The following CAB39L variants were observed in gnomAD, a reference collection of about 807,000 sequenced individuals.
CAB39L encodes calcium binding protein 39 like, also known as calcium-binding protein 39-like.
CAB39L carries 23 observed loss-of-function variants against 39.1 expected under a neutral mutation model. The ratio of observed to expected loss-of-function variants is 0.59; its 90% CI spans 0.42 to 0.83. CAB39L has a LOEUF of 0.83. Ranked by LOEUF, CAB39L falls within the 40% of genes least tolerant of loss-of-function variation. The pLI is 0.00. For missense variants in CAB39L, 366 were observed against 391.9 expected (o/e 0.93, Z 0.56); for synonymous variants, 126 against 137.2 (o/e 0.92, Z 0.57).
chr13:49,334,823 T>G (rs1250736163), intron 9 of CAB39L, among the ~76,000 whole-genome samples: 1 of 152,196 alleles, frequency 6.6e-6, no homozygotes, highest in Non-Finnish European at 1.5e-5. Context: ...ATTACATATA[T>G]ATATCCTCAA....
intron 8 of CAB39L, among the ~76,000 whole-genome samples, chr13:49,340,914 T>C (rs1315456358): frequency 6.6e-6 from 1 of 152,112 alleles, no homozygotes; most frequent in Non-Finnish European, 1.5e-5. Flanking sequence ...ATTACTAAAT[T>C]ACACAAGAAG....
chr13:49,368,489 T>C (rs190207623), intron 5 of CAB39L, among the ~76,000 whole-genome samples: 150 of 152,280 alleles, frequency 9.9e-4, no homozygotes, highest in African/African-American at 3.5e-3. Flanking sequence ...AAACCAGTTT[T>C]TTGCAACCCG....
At chr13:49,411,905 T>TTAGGGAGAAGGCATTAAGTGA (rs1956998252) in intron 3 of CAB39L, among the ~76,000 whole-genome samples, 1 of 152,184 alleles carries the variant, frequency 6.6e-6, no homozygotes, top group African/African-American at 2.4e-5. Flanking sequence ...GTGGAGGTTG[T>TTAGGGAGAAGGCATTAAGTGA]TAGGGAGAAG....
intron 3 of CAB39L, among the ~76,000 whole-genome samples, chr13:49,399,629 AC>A (rs1453036145): frequency 4.6e-5 from 7 of 152,028 alleles, no homozygotes; most frequent in African/African-American, 1.7e-4. Context: ...TCACAAGTAA[AC>A]TTCTCAAATA....
At chr13:49,352,636 A>C (rs954860702) in intron 6 of CAB39L, among the ~76,000 whole-genome samples, 4 of 152,038 alleles carry the variant, frequency 2.6e-5, no homozygotes, top group African/African-American at 9.7e-5. Flanking sequence ...ACAAAAACTA[A>C]AAAAATTAGC....
At chr13:49,442,096 G>T (rs1330566821) in intron 1 of CAB39L, among the ~76,000 whole-genome samples, 1 of 151,852 alleles carries the variant, frequency 6.6e-6, no homozygotes, top group East Asian at 1.9e-4. Context: ...GTTTTAATTT[G>T]CATTTTTCCA....
At chr13:49,443,407 C>T (rs187308606) in intron 1 of CAB39L, among the ~76,000 whole-genome samples, 1 of 151,702 alleles carries the variant, frequency 6.6e-6, no homozygotes, top group Admixed American at 6.6e-5. Context: ...AAACGCAGAA[C>T]TTGACGCCCA....
intron 10 of CAB39L, among the ~76,000 whole-genome samples, chr13:49,324,303 C>T (rs1333624789): frequency 3.3e-5 from 5 of 151,760 alleles, no homozygotes; most frequent in East Asian, 3.9e-4. Context: ...GGTGACAGAG[C>T]GAGACTCTGT....
chr13:49,434,637 A>G (rs1957379697), intron 1 of CAB39L, among the ~76,000 whole-genome samples: 1 of 152,098 alleles, frequency 6.6e-6, no homozygotes, highest in African/African-American at 2.4e-5. Flanking sequence ...AGGCAGGAGG[A>G]TTAGGCCTGG....
At chr13:49,348,915 C>T (rs1298868988) in intron 7 of CAB39L, among the ~76,000 whole-genome samples, 1 of 152,160 alleles carries the variant, frequency 6.6e-6, no homozygotes, top group African/African-American at 2.4e-5. Flanking sequence ...GACCACGCCC[C>T]GTCCCTCACC....
chr13:49,393,507 T>C (rs1956534445), intron 3 of CAB39L, among the ~76,000 whole-genome samples: 1 of 152,128 alleles, frequency 6.6e-6, no homozygotes, highest in South Asian at 2.1e-4. Flanking sequence ...ACAGAATGAT[T>C]CTAGAATGTG....
chr13:49,387,234 T>C (rs1032859762), intron 3 of CAB39L, among the ~76,000 whole-genome samples: 3 of 152,104 alleles, frequency 2.0e-5, no homozygotes, highest in Non-Finnish European at 1.5e-5. Context: ...CCTATCATGA[T>C]AAAGATAAAG....
intron 10 of CAB39L, among the ~76,000 whole-genome samples, chr13:49,320,928 G>C (rs188916707): frequency 3.9e-5 from 6 of 152,278 alleles, no homozygotes; most frequent in Admixed American, 6.5e-5. Context: ...AATTAGACTG[G>C]ACCCCACTGC....
At chr13:49,313,061 T>G (rs987794661) in intron 10 of CAB39L, among the ~76,000 whole-genome samples, 4 of 152,232 alleles carry the variant, frequency 2.6e-5, no homozygotes, top group Non-Finnish European at 5.9e-5. Flanking sequence ...TAATTTATTT[T>G]TTGAACACAT....
intron 1 of CAB39L, among the ~76,000 whole-genome samples, chr13:49,441,221 G>GTGTGTATATATATATA (rs1024957572): frequency 8.2e-6 from 1 of 121,444 alleles, no homozygotes; most frequent in African/African-American, 3.7e-5. Context: ...ATGATTTAGT[G>GTGTGTATATATATATA]TATATATATA....
In CAB39L at chr13:49,441,221, G is replaced by GTATATATA. The variant is rs59783079; in HGVS notation, c.-246+2757_-246+2764dup. On this transcript the variant is annotated intron_variant, in intron 1 of 10. Transcript: ENST00000409308. ...GATGATTTTCTTATAATGATTTAGT[G>GTATATATA]TATATATATATATATATATATATTC... is the stretch of plus-strand genomic sequence containing the variant. 1.7e-3 allele frequency among the ~76,000 whole-genome samples: 211 copies of GTATATATA among 121,450 alleles called. 3 individuals are homozygous for GTATATATA. The highest frequency in any genetic ancestry group is 5.8e-3 in the African/African-American group (158 of 27,280). The allele number at this position is 121,450 out of a possible 152,430, so 79.7% of individuals were successfully genotyped here.
intron 3 of CAB39L, among the ~76,000 whole-genome samples, chr13:49,415,664 G>A (rs1594081257): frequency 2.0e-5 from 3 of 152,114 alleles, no homozygotes; most frequent in Admixed American, 2.0e-4. Flanking sequence ...AAAGTTTTAA[G>A]GGCACAGGAA....
intron 10 of CAB39L, among the ~76,000 whole-genome samples, chr13:49,326,124 T>C (rs534782387): frequency 1.3e-5 from 2 of 152,308 alleles, no homozygotes; most frequent in African/African-American, 4.8e-5. Flanking sequence ...CAGACCATTT[T>C]CTTACACCTT....
chr13:49,355,040 C>T (rs1011857340), intron 6 of CAB39L, among the ~76,000 whole-genome samples: 2 of 152,050 alleles, frequency 1.3e-5, no homozygotes, highest in African/African-American at 4.8e-5. Context: ...TCAATATAGT[C>T]AAGAACGTAT....
Sources: gnomAD v4.1 joint callset for allele counts (sites outside exome capture counted in the v4.1 genomes callset) on GRCh38, gnomAD v4.1.1 for gene constraint, MANE v1.5 for transcripts, NCBI Gene and HGNC (gene_info 2026-07-23, HGNC 2026-07-21) for gene names.